INSYN1: variants seen among roughly 807,000 people sequenced by gnomAD.
INSYN1 encodes inhibitory synaptic factor 1, also known as UPF0583 protein C15orf59.
Under a neutral mutation model 17.1 loss-of-function variants are expected in INSYN1, and 7 were observed. The observed-to-expected ratio is 0.41, with a 90% CI of 0.23 to 0.77. The LOEUF is 0.77. Among genes scored for constraint, INSYN1 ranks in the 30% least tolerant of loss-of-function variants. The probability of loss-of-function intolerance (pLI) is 0.32; values close to 1 mark genes in which losing one functional copy is unlikely to be tolerated. For missense variants in INSYN1, 339 were observed against 400.6 expected (o/e 0.85, Z 1.31); for synonymous variants, 174 against 166.3 (o/e 1.05, Z -0.36).
intron 2 of INSYN1, among the ~76,000 whole-genome samples, chr15:73,743,278 C>T (rs1313596690): frequency 6.6e-6 from 1 of 152,154 alleles, no homozygotes; most frequent in African/African-American, 2.4e-5. Flanking sequence ...TGGCAGGAGC[C>T]CAAGCCTTCA....
intron 2 of INSYN1, among the ~76,000 whole-genome samples, chr15:73,741,855 A>C (rs552260828): frequency 6.6e-6 from 1 of 152,164 alleles, no homozygotes; most frequent in South Asian, 2.1e-4. Flanking sequence ...CTGTCCAGGG[A>C]TGTGCTAGTA....
At chr15:73,740,944 C>T (rs1029493874) in intron 2 of INSYN1, among the ~76,000 whole-genome samples, 4 of 152,202 alleles carry the variant, frequency 2.6e-5, no homozygotes, top group Non-Finnish European at 5.9e-5. Flanking sequence ...ATTCACTCAC[C>T]CCTGTCTCTC....
chr15:73,748,371 CA>C (rs1180203720), intron 2 of INSYN1, among the ~76,000 whole-genome samples: 2 of 152,132 alleles, frequency 1.3e-5, no homozygotes, highest in Non-Finnish European at 2.9e-5. Flanking sequence ...GTTCTTTCAC[CA>C]AGCATATGTG....
At chr15:73,748,306 G>A (rs191437198) in intron 2 of INSYN1, among the ~76,000 whole-genome samples, 7 of 152,306 alleles carry the variant, frequency 4.6e-5, no homozygotes, top group Non-Finnish European at 1.0e-4. Context: ...GCAGCAGGCA[G>A]AGGAGGAAGA....
At position 73,740,087 on chromosome 15, in the gene INSYN1, A is replaced by G; in HGVS notation, c.712T>C (p.Tyr238His). The change falls in exon 3 of 3, where the codon TAC (tyrosine) becomes CAC (histidine). Residue 238 changes from tyrosine to histidine, a missense_variant. Coordinates refer to ENST00000569673, the MANE Select transcript of INSYN1 (RefSeq NM_001039614.3). ...GTCAGTGGAGAGCGCCGTGACTTGT[A>G]GGGGGCTGGGGAGGGCTTGTGGGGG... is the stretch of plus-strand genomic sequence containing the variant. Reference protein sequence around the residue: ...AGPHKPSPAPYKSRRSPLTSR... With the variant: ...AGPHKPSPAPHKSRRSPLTSR... 1.9e-6 allele frequency: 3 copies of G among 1,613,262 alleles called. No homozygotes were observed. Among genetic ancestry groups the G allele is most frequent in the Non-Finnish European group, 2.5e-6 (3 of 1,179,586 alleles).
At position 73,740,003 on chromosome 15, in the gene INSYN1, T is replaced by C; in HGVS notation, c.796A>G (p.Ser266Gly). ...PEQTRRVTRN[S>G]STQTVSDKST... ...TTGTCTGACACTGTCTGGGTGCTGCTGTTCCTCGTGACCCTTCGAGTCTGT... is the reference window on the plus strand; with the variant it reads ...TTGTCTGACACTGTCTGGGTGCTGCCGTTCCTCGTGACCCTTCGAGTCTGT... The change falls in exon 3 of 3, where the codon AGC becomes GGC. Residue 266 changes from serine (S) to glycine (G), a missense_variant. Ser to Gly is a moderately conservative substitution (Grantham distance 56, BLOSUM62 0). Coordinates refer to ENST00000569673, the MANE Select transcript of INSYN1 (RefSeq NM_001039614.3). The C allele has an allele frequency of 6.2e-7, 1 of 1,612,644 alleles. No homozygotes were observed. The highest frequency in any genetic ancestry group is 8.5e-7 in the Non-Finnish European group (1 of 1,179,600).
intron 2 of INSYN1, among the ~76,000 whole-genome samples, chr15:73,743,029 G>A (rs974185904): frequency 2.0e-5 from 3 of 152,234 alleles, no homozygotes; most frequent in African/African-American, 7.2e-5. Context: ...CCTCAGGAGA[G>A]GCCCACCACC....
rs1365807846 is a variant in INSYN1, at chr15:73,736,375, A to T, written c.*3542T>A. 2 of 151,570 alleles carry T rather than the reference A, an allele frequency of 1.3e-5. No individual in the cohort carries two copies. Among genetic ancestry groups the T allele is most frequent in the Non-Finnish European group, 2.9e-5 (2 of 67,940 alleles). The allele number at this position is 151,570 out of a possible 1,614,324, so 9.4% of individuals were successfully genotyped here. ...GAGGCCAAGGCAGGTGGATCATCGG[A>T]GGTCAGGAGTTCAAAGATGAGGCTG... On this transcript the variant is annotated 3_prime_UTR_variant, in exon 3 of 3. Coordinates refer to ENST00000569673, the MANE Select transcript of INSYN1 (RefSeq NM_001039614.3).
chr15:73,743,360 T>C (rs1901735930), intron 2 of INSYN1, among the ~76,000 whole-genome samples: 1 of 152,158 alleles, frequency 6.6e-6, no homozygotes, highest in Non-Finnish European at 1.5e-5. Flanking sequence ...GGTTCCAACC[T>C]GGGGGGATGG....
At position 73,740,139 on chromosome 15, in the gene INSYN1, C is replaced by T. The variant is rs758064531; in HGVS notation, c.660G>A (p.Glu220=). 6.2e-7 allele frequency: 1 copy of T among 1,613,912 alleles called. No homozygotes were observed. The highest frequency in any genetic ancestry group is 1.3e-5 in the African/African-American group (1 of 75,012). ...CTGCATGGGCCTCTGTATGGGCAGG[C>T]TCAGGGGGCAAGCCCACTTCTTCCT... ...VEEEEVGLPP[E]PAHTEAHAGP... is the part of the protein sequence containing the mutation. The change falls in exon 3 of 3, where the codon GAG becomes GAA. Residue 220 remains glutamate (E), a synonymous_variant. Transcript: ENST00000569673.
chr15:73,743,099 G>T (rs762331908), intron 2 of INSYN1, among the ~76,000 whole-genome samples: 50 of 152,246 alleles, frequency 3.3e-4, no homozygotes, highest in African/African-American at 1.2e-3. Context: ...TGTGGAGTTT[G>T]CTGCTGCCTG....
chr15:73,747,554 C>T (rs1011504087), intron 2 of INSYN1, among the ~76,000 whole-genome samples: 4 of 152,182 alleles, frequency 2.6e-5, no homozygotes, highest in Non-Finnish European at 5.9e-5. Flanking sequence ...TCGCAACAAC[C>T]CTGGGGCAGG....
At chr15:73,750,198 C>CT (rs1042226334) in intron 2 of INSYN1, among the ~76,000 whole-genome samples, 3 of 152,208 alleles carry the variant, frequency 2.0e-5, no homozygotes, top group African/African-American at 7.2e-5. Context: ...GGGGGCAGGG[C>CT]TGAAGACATG....
rs1347863614 is a variant in INSYN1 at position 73,739,003 on chromosome 15, G to A, written c.*914C>T. The A allele has an allele frequency of 6.6e-6, 1 of 152,334 alleles. No individual in the cohort carries two copies. Among genetic ancestry groups the A allele is most frequent in the Non-Finnish European group, 1.5e-5 (1 of 68,092 alleles). The allele number at this position is 152,334 out of a possible 1,614,324, so 9.4% of individuals were successfully genotyped here. ...GGGTGTGGAGACATCGGGACGGAGTGGGGACCACTGGGCTCCTTTCCAAGG... is the reference window on the plus strand; with the variant it reads ...GGGTGTGGAGACATCGGGACGGAGTAGGGACCACTGGGCTCCTTTCCAAGG... On this transcript the variant is annotated 3_prime_UTR_variant, in exon 3 of 3. Transcript: ENST00000569673.
rs751389591 is a variant in INSYN1, at chr15:73,740,642, C to T, written c.157G>A (p.Val53Met). The change falls in exon 3 of 3, where the codon GTG (valine) becomes ATG (methionine). Residue 53 changes from valine to methionine, a missense_variant and splice_region_variant. Val to Met is a conservative substitution (Grantham distance 21). Coordinates refer to ENST00000569673, the MANE Select transcript of INSYN1 (RefSeq NM_001039614.3). ...GTTAGCTTATCGATCTGGCTCACCA[C>T]CTGACCAGGGAAGGGGAGAGGAGAT... ...LKEVAKELRE[V>M]VSQIDKLTSD... 1 of 1,604,454 alleles carries T rather than the reference C, an allele frequency of 6.2e-7. No homozygotes were observed. Among genetic ancestry groups the T allele is most frequent in the Non-Finnish European group, 8.5e-7 (1 of 1,174,418 alleles).
chr15:73,745,604 C>T (rs756504661), intron 2 of INSYN1, among the ~76,000 whole-genome samples: 11 of 152,180 alleles, frequency 7.2e-5, no homozygotes, highest in Non-Finnish European at 1.0e-4. Context: ...TCTTGCTCAC[C>T]GCTACATCCC....
chr15:73,751,749 G>C (rs929099463), intron 1 of INSYN1, 52 bp from the exon 2 acceptor site: 1 of 153,208 alleles, frequency 6.5e-6, no homozygotes, highest in Non-Finnish European at 1.5e-5. Context: ...AGCACCAGCC[G>C]GCAATGCCGC....
At chr15:73,747,833 AT>A (rs1416809038) in intron 2 of INSYN1, among the ~76,000 whole-genome samples, 1 of 152,168 alleles carries the variant, frequency 6.6e-6, no homozygotes, top group Non-Finnish European at 1.5e-5. Flanking sequence ...CCTGGGAGAG[AT>A]AAGGGCTAAT....
intron 2 of INSYN1, among the ~76,000 whole-genome samples, chr15:73,747,657 C>A (rs1236121399): frequency 6.6e-6 from 1 of 152,222 alleles, no homozygotes; most frequent in East Asian, 1.9e-4. Flanking sequence ...CAAGTTCACA[C>A]AGCTAAGGAG....
Sources: gnomAD v4.1 joint callset for allele counts (sites outside exome capture counted in the v4.1 genomes callset) on GRCh38, gnomAD v4.1.1 for gene constraint, MANE v1.5 for transcripts, NCBI Gene and HGNC (gene_info 2026-07-23, HGNC 2026-07-21) for gene names.